COX16: variants seen among roughly 807,000 people sequenced by gnomAD.
The protein encoded by COX16 is cytochrome c oxidase assembly factor COX16.
Under a neutral mutation model 15.4 loss-of-function variants are expected in COX16, and 12 were observed. The ratio of observed to expected loss-of-function variants is 0.78; its 90% CI spans 0.50 to 1.26. The LOEUF (loss-of-function observed/expected upper bound fraction) is 1.26, where lower values mean the gene tolerates loss of function less well. COX16 is among the 50% of genes most tolerant of loss of function. The probability of loss-of-function intolerance (pLI) is 0.00; values close to 1 mark genes in which losing one functional copy is unlikely to be tolerated. For synonymous variants in COX16, 46 were observed against 41.1 expected (o/e 1.12, Z -0.46); for missense variants, 124 against 127.6 (o/e 0.97, Z 0.14).
intron 2 of COX16, among the ~76,000 whole-genome samples, chr14:70,340,734 A>G (rs1594916339): frequency 6.6e-6 from 1 of 152,306 alleles, no homozygotes; most frequent in East Asian, 1.9e-4. Flanking sequence ...TAGTTCTAAA[A>G]TGAAACACTG....
intron 3 of COX16, 107 bp downstream of exon 3, chr14:70,329,067 T>C: frequency 2.1e-6 from 2 of 966,222 alleles, no homozygotes; most frequent in Non-Finnish European, 1.5e-6. Flanking sequence ...GTTTATCAAA[T>C]ACCATATATA....
At chr14:70,356,397 C>A (rs186473847) in intron 1 of COX16, among the ~76,000 whole-genome samples, 28 of 152,290 alleles carry the variant, frequency 1.8e-4, no homozygotes, top group African/African-American at 6.5e-4. Context: ...ATAATGCCCA[C>A]TCACCTACTG....
chr14:70,326,439 T>TCCA lies in COX16; in HGVS notation c.214_215insTGG (p.Lys71_Asp72insVal). ...ATTCTTCCAGTCATCAAACTTGGAG[T>TCCA]CTTTGATTTTCTATAGAACCACAAA... is the stretch of plus-strand genomic sequence containing the variant. On this transcript the variant is annotated inframe_insertion, in exon 4 of 4. Coordinates refer to ENST00000389912, the MANE Select transcript of COX16 (RefSeq NM_016468.7). 1 of 1,581,562 alleles carries TCCA rather than the reference T, an allele frequency of 6.3e-7. No individual in the cohort carries two copies. The highest frequency in any genetic ancestry group is 8.6e-7 in the Non-Finnish European group (1 of 1,167,050).
At position 70,356,674 on chromosome 14, in the gene COX16, C is replaced by T. The variant is rs527398297; in HGVS notation, c.69+2845G>A. Among the ~76,000 whole-genome samples the T allele has an allele frequency of 7.2e-5, 11 of 152,188 alleles. 1 individual carries two copies. In the South Asian group the frequency reaches 2.3e-3, roughly 32 times the overall value. The stretch of plus-strand genomic sequence containing the variant: ...TGAAACAAATGGAAAATTAGAAAAT[C>T]TCGCCAAAGACATAGAAGATATAAA... On this transcript the variant is annotated intron_variant, in intron 1 of 3. Transcript: ENST00000389912.
chr14:70,338,049 T>C (rs1355928547), intron 2 of COX16, among the ~76,000 whole-genome samples: 2 of 152,234 alleles, frequency 1.3e-5, no homozygotes, highest in Non-Finnish European at 2.9e-5. Flanking sequence ...TGAACAATTT[T>C]TGGTTTTACA....
Position 70,325,632 on chromosome 14 carries a change from CATA to C in COX16, c.*698_*700del, listed in dbSNP as rs1431868703. The C allele has an allele frequency of 6.6e-6, 1 of 152,088 alleles. No homozygotes were observed. The highest frequency in any genetic ancestry group is 1.5e-5 in the Non-Finnish European group (1 of 68,026). The allele number at this position is 152,088 out of a possible 1,614,324, so 9.4% of individuals were successfully genotyped here. On this transcript the variant is annotated 3_prime_UTR_variant, in exon 4 of 4. Transcript: ENST00000389912. ...ATTTTGCATGCAAATTATGCTAAGG[CATA>C]ATTTTTAGTATTATCTTAGTATTTC... is the stretch of plus-strand genomic sequence containing the variant.
rs1886069325 is a variant in COX16, at chr14:70,326,287, A to ATT, written c.*45_*46insAA. ...TATATATTAGGAAGTCCAGTTAATA[A>ATT]TATTTTTATTTAAAAAAAAAAAAAA... On this transcript the variant is annotated 3_prime_UTR_variant, in exon 4 of 4. Coordinates refer to ENST00000389912, the MANE Select transcript of COX16 (RefSeq NM_016468.7). 6.6e-6 allele frequency: 9 copies of ATT among 1,370,036 alleles called. No homozygotes were observed. In the East Asian group the frequency reaches 1.6e-4, roughly 25 times the overall value. 84.9% of individuals were successfully genotyped at this position (1,370,036 alleles called of 1,614,324 possible).
intron 1 of COX16, among the ~76,000 whole-genome samples, chr14:70,358,698 C>T (rs1004215586): frequency 3.3e-5 from 5 of 152,158 alleles, no homozygotes; most frequent in African/African-American, 1.2e-4. Flanking sequence ...TATTTAAAAG[C>T]AGCTTTTGTT....
In COX16 at chr14:70,349,095, G is replaced by A. The variant is rs140643437; in HGVS notation, c.70-6366C>T. ...TCTCAAAGCCTTCCTCATCTCCAAAGCCTCCCCAACACTTTCCATGTTGGT... is the reference window on the plus strand; with the variant it reads ...TCTCAAAGCCTTCCTCATCTCCAAAACCTCCCCAACACTTTCCATGTTGGT... On this transcript the variant is annotated intron_variant, in intron 1 of 3. Coordinates refer to ENST00000389912, the MANE Select transcript of COX16 (RefSeq NM_016468.7). Among the ~76,000 whole-genome samples the A allele has an allele frequency of 5.2e-3, 789 of 152,296 alleles. 7 individuals carry two copies. The highest frequency in any genetic ancestry group is 0.018 in the African/African-American group (767 of 41,566).
chr14:70,342,433 A>G (rs1201297185), intron 2 of COX16, among the ~76,000 whole-genome samples: 3 of 152,212 alleles, frequency 2.0e-5, no homozygotes, highest in Non-Finnish European at 4.4e-5. Flanking sequence ...CGACAGAGTG[A>G]GACCCCGTGG....
intron 2 of COX16, among the ~76,000 whole-genome samples, chr14:70,340,311 C>A (rs539579250): frequency 2.9e-4 from 44 of 152,274 alleles, no homozygotes; most frequent in African/African-American, 1.0e-3. Context: ...TTTCCTGAGG[C>A]CTCCCCAGTC....
chr14:70,338,148 C>G (rs918219778), intron 2 of COX16, among the ~76,000 whole-genome samples: 2 of 152,208 alleles, frequency 1.3e-5, no homozygotes, highest in African/African-American at 4.8e-5. Flanking sequence ...GGGTCTCGCT[C>G]TGTCACCCAG....
chr14:70,345,704 A>C (rs1410586561), intron 1 of COX16, among the ~76,000 whole-genome samples: 3 of 152,178 alleles, frequency 2.0e-5, no homozygotes, highest in African/African-American at 7.2e-5. Flanking sequence ...CCTTATGTCC[A>C]GGCCTTTTTG....
At chr14:70,352,800 G>A (rs1290882083) in intron 1 of COX16, among the ~76,000 whole-genome samples, 1 of 150,894 alleles carries the variant, frequency 6.6e-6, no homozygotes, top group East Asian at 1.9e-4. Context: ...CACATATACT[G>A]GAGAAAAAAT....
chr14:70,354,301 C>A (rs7152724), intron 1 of COX16, among the ~76,000 whole-genome samples: 1 of 152,108 alleles, frequency 6.6e-6, no homozygotes, highest in East Asian at 1.9e-4. Context: ...GATTTGTATA[C>A]GCAAAATAAC....
chr14:70,327,568 TGAAG>T (rs1454486069), intron 3 of COX16, among the ~76,000 whole-genome samples: 1 of 152,238 alleles, frequency 6.6e-6, no homozygotes, highest in East Asian at 1.9e-4. Context: ...CATATATACA[TGAAG>T]GAACAAAATT....
chr14:70,326,528 G>T, intron 3 of COX16, 79 bp from the exon 4 acceptor site: 16 of 1,053,584 alleles, frequency 1.5e-5, no homozygotes, highest in South Asian at 2.5e-5. Context: ...CTAACTCAAT[G>T]AATAAATGAG....
rs1179017047 is a variant in COX16 at position 70,325,817 on chromosome 14, T to C, written c.*516A>G. The C allele has an allele frequency of 6.6e-6, 1 of 152,234 alleles. No individual in the cohort carries two copies. The highest frequency in any genetic ancestry group is 1.5e-5 in the Non-Finnish European group (1 of 68,062). 9.4% of individuals were successfully genotyped at this position (152,234 alleles called of 1,614,324 possible). A position where few individuals can be genotyped will look rare whatever the true frequency, so the allele number is the denominator to read the frequency against. The stretch of plus-strand genomic sequence containing the variant: ...ATCATGTGATGCTTTGGAGACTGAT[T>C]ATCATACTATGTGAGGCATTACAAA... On this transcript the variant is annotated 3_prime_UTR_variant, in exon 4 of 4. Coordinates refer to ENST00000389912, the MANE Select transcript of COX16 (RefSeq NM_016468.7).
chr14:70,345,449 C>T (rs750906764), intron 1 of COX16, among the ~76,000 whole-genome samples: 1 of 152,294 alleles, frequency 6.6e-6, no homozygotes, highest in South Asian at 2.1e-4. Context: ...AGCCTACCCT[C>T]TGTTATGGGA....
Sources: gnomAD v4.1 joint callset for allele counts (sites outside exome capture counted in the v4.1 genomes callset) on GRCh38, gnomAD v4.1.1 for gene constraint, MANE v1.5 for transcripts, NCBI Gene and HGNC (gene_info 2026-07-23, HGNC 2026-07-21) for gene names.